DHX15: variants seen among roughly 807,000 people sequenced by gnomAD.
DHX15 encodes DEAH-box helicase 15, also known as ATP-dependent RNA helicase DHX15.
A neutral mutation model predicts 94.4 loss-of-function variants in DHX15; 11 were observed. The ratio of observed to expected loss-of-function variants is 0.12; its 90% CI spans 0.07 to 0.19. DHX15 has a LOEUF of 0.19. DHX15 is among the 10% of genes least tolerant of loss of function. DHX15 has a pLI of 1.00. For synonymous variants in DHX15, 338 were observed against 329.9 expected (o/e 1.02, Z -0.27); for missense variants, 304 against 988.5 (o/e 0.31, Z 9.29).
intron 3 of DHX15, among the ~76,000 whole-genome samples, chr4:24,565,407 C>CTT (rs1553951590): frequency 6.6e-6 from 1 of 152,212 alleles, no homozygotes; most frequent in Non-Finnish European, 1.5e-5. Context: ...ATTCCCACCT[C>CTT]TTTTTAAGAG....
intron 3 of DHX15, among the ~76,000 whole-genome samples, chr4:24,561,243 A>G (rs1166784101): frequency 6.6e-6 from 1 of 152,218 alleles, no homozygotes; most frequent in African/African-American, 2.4e-5. Context: ...TGCAGCCATT[A>G]AAAATAAAGC....
At position 24,527,957 on chromosome 4, in the gene DHX15, G is replaced by C; in HGVS notation, c.2355C>G (p.Ala785=). ...EAKRQLDRII[A]KLQSKEYSQY ...GTGAATATTCCTTGGATTGAAGTTT[G>C]GCAATGATGCGGTCCAACTGTCTCT... Residue 785 remains alanine, a synonymous_variant, in exon 14 of 14, where the codon GCC becomes GCG. Coordinates refer to ENST00000336812, the MANE Select transcript of DHX15 (RefSeq NM_001358.3). The C allele has an allele frequency of 6.2e-7, 1 of 1,613,592 alleles. No homozygotes were observed. The highest frequency in any genetic ancestry group is 8.5e-7 in the Non-Finnish European group (1 of 1,179,606).
In DHX15 at chr4:24,537,334, C is replaced by CAT; in HGVS notation, c.1787-163_1787-162dup. 1.3e-6 allele frequency: 1 copy of CAT among 777,632 alleles called. No homozygotes were observed. The highest frequency in any genetic ancestry group is 2.0e-6 in the Non-Finnish European group (1 of 511,296). 48.2% of individuals were successfully genotyped at this position (777,632 alleles called of 1,614,324 possible). A position where few individuals can be genotyped will look rare whatever the true frequency, so the allele number is the denominator to read the frequency against. Reference sequence around the variant, plus strand: ...GATTGTTTACTACCTTGATTTGGTACATCAACACCTAACCACATCTGTAAG... The same window carrying CAT: ...GATTGTTTACTACCTTGATTTGGTACATATCAACACCTAACCACATCTGTAAG... On this transcript the variant is annotated intron_variant, in intron 10 of 13. Transcript: ENST00000336812. This position sits in a 1 kb window ranked among gnomAD's most constrained non-coding sequence, Gnocchi z 4.7.
At chr4:24,529,578 G>T in intron 13 of DHX15, 23 bp downstream of exon 13, 1 of 1,609,802 alleles carries the variant, frequency 6.2e-7, no homozygotes. Context: ...ACAAAAAACT[G>T]TTAGAACAAA....
chr4:24,567,345 G>A (rs531000750), intron 3 of DHX15, among the ~76,000 whole-genome samples: 4,103 of 152,178 alleles, frequency 0.027, 141 homozygotes, highest in African/African-American at 0.085. Context: ...TTGGGAGGCA[G>A]AGGCGGGCGG....
In DHX15 at chr4:24,584,385, C is replaced by T. The variant is rs1439946670; in HGVS notation, c.9G>A (p.Lys3=). 5 of 1,612,758 alleles carry T rather than the reference C, an allele frequency of 3.1e-6. No individual in the cohort carries two copies. Among genetic ancestry groups the T allele is most frequent in the Non-Finnish European group, 4.2e-6 (5 of 1,179,484 alleles). MS[K]RHRLDLGEDY... is the part of the protein sequence containing the mutation. ...CCTCCCCTAGGTCCAACCGGTGCCG[C>T]TTGGACATCCTCGCACTCTTCGAAC... The change falls in exon 1 of 14, where the codon AAG becomes AAA. Residue 3 remains lysine, a synonymous_variant. Coordinates refer to ENST00000336812, the MANE Select transcript of DHX15 (RefSeq NM_001358.3).
intron 3 of DHX15, among the ~76,000 whole-genome samples, chr4:24,570,112 T>C (rs1274345888): frequency 1.3e-5 from 2 of 152,188 alleles, no homozygotes; most frequent in Non-Finnish European, 2.9e-5. Context: ...GAAAGCTCAA[T>C]ACAGTAGTCA....
chr4:24,532,327 T>C (rs1304958569), intron 12 of DHX15, among the ~76,000 whole-genome samples: 1 of 152,234 alleles, frequency 6.6e-6, no homozygotes, highest in Non-Finnish European at 1.5e-5. Flanking sequence ...TAATTACCAA[T>C]GATCACTCTG....
At chr4:24,557,262 T>A (rs958438063) in intron 3 of DHX15, among the ~76,000 whole-genome samples, 14 of 152,158 alleles carry the variant, frequency 9.2e-5, no homozygotes, top group African/African-American at 3.4e-4. Flanking sequence ...ACAACTATCT[T>A]CCTTTTGGCA....
intron 6 of DHX15, among the ~76,000 whole-genome samples, chr4:24,548,379 G>A (rs561136969): frequency 6.6e-6 from 1 of 152,104 alleles, no homozygotes; most frequent in East Asian, 1.9e-4. Context: ...TCCTGACCTC[G>A]TGATCCACCC....
At chr4:24,571,256 T>C (rs1407213210) in intron 2 of DHX15, among the ~76,000 whole-genome samples, 1 of 152,142 alleles carries the variant, frequency 6.6e-6, no homozygotes, top group Non-Finnish European at 1.5e-5. Context: ...ACTCTGAAGC[T>C]GTACTTTTAT....
At chr4:24,574,111 C>G (rs1722185877) in intron 2 of DHX15, among the ~76,000 whole-genome samples, 1 of 143,936 alleles carries the variant, frequency 6.9e-6, no homozygotes, top group South Asian at 2.2e-4. Context: ...GAGGCTGAGG[C>G]AGGAGAATCA....
At chr4:24,572,068 T>C (rs1288456776) in intron 2 of DHX15, among the ~76,000 whole-genome samples, 1 of 152,202 alleles carries the variant, frequency 6.6e-6, no homozygotes, top group East Asian at 1.9e-4. Context: ...GAAAGTGAAA[T>C]TCACTCACTG....
intron 3 of DHX15, among the ~76,000 whole-genome samples, chr4:24,568,888 AACAACT>A (rs1304566006): frequency 6.6e-6 from 1 of 152,230 alleles, no homozygotes. Context: ...CGTATCACTG[AACAACT>A]ACAAGAATTT....
At chr4:24,575,432 T>G (rs895932078) in intron 2 of DHX15, among the ~76,000 whole-genome samples, 6 of 152,200 alleles carry the variant, frequency 3.9e-5, no homozygotes, top group Admixed American at 6.5e-5. Flanking sequence ...CTTAAGTGTA[T>G]AAAGACAGTT....
chr4:24,571,308 A>G (rs1342471905), intron 2 of DHX15, among the ~76,000 whole-genome samples: 1 of 152,068 alleles, frequency 6.6e-6, no homozygotes, highest in Non-Finnish European at 1.5e-5. Context: ...GCAGAACCTA[A>G]CTCTTAGCAC....
At chr4:24,561,200 G>A (rs567473546) in intron 3 of DHX15, among the ~76,000 whole-genome samples, 16 of 152,320 alleles carry the variant, frequency 1.1e-4, no homozygotes, top group African/African-American at 3.8e-4. Context: ...AATAGAATTT[G>A]TTAAGTAAAC....
At chr4:24,578,676 T>C (rs746699494) in intron 1 of DHX15, among the ~76,000 whole-genome samples, 29 of 152,240 alleles carry the variant, frequency 1.9e-4, no homozygotes, top group Middle Eastern at 3.4e-3. Flanking sequence ...AGTGGTCCTC[T>C]CACCTCAGCC....
intron 3 of DHX15, among the ~76,000 whole-genome samples, chr4:24,564,756 G>A (rs773025943): frequency 5.3e-5 from 8 of 152,072 alleles, no homozygotes; most frequent in Non-Finnish European, 8.8e-5. Context: ...ACTACATATA[G>A]CAAAATACTG....
Sources: allele counts gnomAD v4.1 joint callset (sites outside exome capture counted in the v4.1 genomes callset), GRCh38; gene constraint gnomAD v4.1.1; non-coding constraint Gnocchi (gnomAD v3.1); transcripts MANE v1.5; gene names NCBI Gene and HGNC (gene_info 2026-07-23, HGNC 2026-07-21).